The following SRI variants were observed in gnomAD, a reference collection of about 807,000 sequenced individuals.
SRI encodes sorcin.
In SRI, 30 loss-of-function variants were observed where a neutral mutation model predicts 33.3. That is an observed-to-expected ratio of 0.90 (90% CI 0.67 to 1.22). SRI has a LOEUF of 1.22. Among genes scored for constraint, SRI ranks in the 50% most tolerant of loss-of-function variants. SRI has a pLI of 0.00. For synonymous variants in SRI, 75 were observed against 89.9 expected, an observed-to-expected ratio of 0.83 and a Z score of 0.94; for missense variants, 243 against 250.8, an observed-to-expected ratio of 0.97 and a Z score of 0.21.
upstream of SRI, among the ~76,000 whole-genome samples, chr7:88,223,965 A>C (rs1269939388): frequency 6.6e-6 from 1 of 152,228 alleles, no homozygotes; most frequent in African/African-American, 2.4e-5. Flanking sequence ...GGAGAGAACT[A>C]TGTGAGGTTT....
At chr7:88,214,255 C>A (rs1371622889) in intron 3 of SRI, among the ~76,000 whole-genome samples, 1 of 152,260 alleles carries the variant, frequency 6.6e-6, no homozygotes, top group Admixed American at 6.5e-5. Context: ...AAGTAGAAGG[C>A]CTAGGACAGG....
chr7:88,216,670 C>A, intron 3 of SRI: 1 of 174,410 alleles, frequency 5.7e-6, no homozygotes, highest in Admixed American at 5.8e-5. Flanking sequence ...AGCACCCTAC[C>A]TTGTCCTCTG....
At position 88,205,622 on chromosome 7, in the gene SRI, G is replaced by GTACA. The variant is rs1851424219; in HGVS notation, c.*852_*855dup. On this transcript the variant is annotated 3_prime_UTR_variant, in exon 8 of 8. Transcript: ENST00000265729. ...CAGTGGTAGCCAGATCAATGTTTTG[G>GTACA]TACATACTTTCCGATACTCTGCTAT... 1 of 152,122 alleles carries GTACA rather than the reference G, an allele frequency of 6.6e-6. No individual in the cohort carries two copies. The highest frequency in any genetic ancestry group is 1.5e-5 in the Non-Finnish European group (1 of 68,022). The allele number at this position is 152,122 out of a possible 1,614,324, so 9.4% of individuals were successfully genotyped here. A position where few individuals can be genotyped will look rare whatever the true frequency, so the allele number is the denominator to read the frequency against.
rs562414040 is a variant in SRI, at chr7:88,206,380, C to T, written c.*98G>A. ...TTTACAACAGCTGTTAAGAGAAAGT[C>T]GTGATGTAAGTTTATACATATTACC... On this transcript the variant is annotated 3_prime_UTR_variant, in exon 8 of 8. Coordinates refer to ENST00000265729, the MANE Select transcript of SRI (RefSeq NM_003130.4). 1.3e-4 allele frequency: 175 copies of T among 1,355,622 alleles called. 4 individuals are homozygous for T. The South Asian group carries it at 1.9e-3, about 14-fold the overall frequency. 84.0% of individuals were successfully genotyped at this position (1,355,622 alleles called of 1,614,324 possible). A position where few individuals can be genotyped will look rare whatever the true frequency, so the allele number is the denominator to read the frequency against.
At chr7:88,213,848 TAAATC>T (rs1345316981) in intron 3 of SRI, among the ~76,000 whole-genome samples, 8 of 152,278 alleles carry the variant, frequency 5.3e-5, no homozygotes, top group African/African-American at 1.9e-4. Context: ...TGTATAATCT[TAAATC>T]AAAAAGCCAA....
chr7:88,226,481 G>C (rs1008611074), intron 1 of SRI, among the ~76,000 whole-genome samples: 2 of 152,112 alleles, frequency 1.3e-5, no homozygotes, highest in African/African-American at 4.8e-5. Context: ...ATCTCCATCT[G>C]TTCAATAAGC....
chr7:88,213,898 A>G (rs1286169228), intron 3 of SRI, among the ~76,000 whole-genome samples: 1 of 152,232 alleles, frequency 6.6e-6, no homozygotes, highest in Non-Finnish European at 1.5e-5. Context: ...CTGACACAGA[A>G]AATTTTCCAT....
intron 2 of SRI, 86 bp from the exon 3 acceptor site, chr7:88,217,277 A>T: frequency 9.1e-7 from 1 of 1,095,904 alleles, no homozygotes; most frequent in Non-Finnish European, 1.4e-6. Flanking sequence ...CAATAACAAC[A>T]AAGAAAATCA....
intron 6 of SRI, 162 bp downstream of exon 6, chr7:88,209,177 A>T (rs765112852): frequency 5.9e-6 from 3 of 509,458 alleles, no homozygotes; most frequent in Non-Finnish European, 1.0e-5. Context: ...TGGAAAAAAA[A>T]CCAAAAAATT....
At chr7:88,212,968 G>A (rs1388012122) in intron 3 of SRI, among the ~76,000 whole-genome samples, 3 of 152,072 alleles carry the variant, frequency 2.0e-5, no homozygotes, top group South Asian at 2.1e-4. Flanking sequence ...GGTATTGAAG[G>A]GGCTATGAGG....
intron 4 of SRI, 28 bp downstream of exon 4, chr7:88,210,854 T>G (rs750368155): frequency 3.6e-5 from 58 of 1,607,902 alleles, no homozygotes; most frequent in Non-Finnish European, 4.8e-5. Context: ...AAAAAATTAT[T>G]CTAGACAACA....
At chr7:88,208,780 GTTTTTTGT>G (rs1281870397) in intron 6 of SRI, 5 of 663,356 alleles carry the variant, frequency 7.5e-6, no homozygotes, top group African/African-American at 7.3e-5. Context: ...GGCCAGCTGT[GTTTTTTGT>G]TTTTTTGTTT....
At chr7:88,226,837 T>A (rs1260452033) in intron 1 of SRI, 59 of 1,523,686 alleles carry the variant, frequency 3.9e-5, no homozygotes, top group Admixed American at 1.7e-5. Flanking sequence ...ACTTTCTTAT[T>A]CCTGATTAGT....
At chr7:88,220,088 G>A, upstream of SRI, 7 of 1,453,998 alleles carry the variant, frequency 4.8e-6, no homozygotes, top group African/African-American at 1.5e-5. Flanking sequence ...CCCCTGCCCC[G>A]CCCCGCCCTG....
intron 7 of SRI, among the ~76,000 whole-genome samples, chr7:88,207,351 A>C (rs77479906): frequency 6.6e-6 from 1 of 152,238 alleles, no homozygotes; most frequent in South Asian, 2.1e-4. Flanking sequence ...ACACACCCTT[A>C]AGCAGGTAAA....
intron 3 of SRI, chr7:88,214,834 T>C (rs777545390): frequency 2.9e-5 from 36 of 1,239,910 alleles, no homozygotes; most frequent in Non-Finnish European, 3.2e-5. Flanking sequence ...TCTACTAGAA[T>C]GCCTCAAACA....
At chr7:88,221,304 C>T (rs1851883284), upstream of SRI, among the ~76,000 whole-genome samples, 1 of 152,096 alleles carries the variant, frequency 6.6e-6, no homozygotes, top group Admixed American at 6.5e-5. Context: ...AACCAAAGTC[C>T]GAATTGTGAG....
intron 1 of SRI, chr7:88,219,322 T>C (rs1851819186): frequency 3.3e-6 from 1 of 299,748 alleles, no homozygotes; most frequent in South Asian, 3.1e-5. Flanking sequence ...TTATGAACGA[T>C]GGAAGGCTGG....
At chr7:88,209,934 T>G (rs1851531773) in intron 5 of SRI, 49 bp downstream of exon 5, 1 of 1,612,754 alleles carries the variant, frequency 6.2e-7, no homozygotes, top group Admixed American at 1.7e-5. Context: ...AAAATAAAAA[T>G]CAACTTACTT....
Sources: allele counts gnomAD v4.1 joint callset (sites outside exome capture counted in the v4.1 genomes callset), GRCh38; gene constraint gnomAD v4.1.1; transcripts MANE v1.5; gene names NCBI Gene and HGNC (gene_info 2026-07-23, HGNC 2026-07-21).